The following USP43 variants were observed in gnomAD, a reference collection of about 807,000 sequenced individuals.
The protein encoded by USP43 is ubiquitin carboxyl-terminal hydrolase 43.
In USP43, 33 loss-of-function variants were observed where a neutral mutation model predicts 90.7. The ratio of observed to expected loss-of-function variants is 0.36; its 90% CI spans 0.28 to 0.49. The LOEUF (loss-of-function observed/expected upper bound fraction) is 0.49. USP43 is among the 20% of genes least tolerant of loss of function. USP43 has a pLI of 0.98. For synonymous variants in USP43, 598 were observed against 615.8 expected, an observed-to-expected ratio of 0.97 and a Z score of 0.43; for missense variants, 1,274 against 1,476.4, an observed-to-expected ratio of 0.86 and a Z score of 2.25.
chr17:9,716,402 A>G (rs1034308538), intron 14 of USP43, among the ~76,000 whole-genome samples: 2 of 152,138 alleles, frequency 1.3e-5, no homozygotes, highest in Non-Finnish European at 2.9e-5. Context: ...ATACCAGATT[A>G]AAAAATAGAA....
chr17:9,674,752 C>A lies in USP43; in HGVS notation c.741-139C>A. The A allele has an allele frequency of 8.2e-6, 6 of 731,892 alleles. No homozygotes were observed. The South Asian group carries it at 9.8e-5, about 12-fold the overall frequency. The allele number at this position is 731,892 out of a possible 1,614,324, so 45.3% of individuals were successfully genotyped here. A position where few individuals can be genotyped will look rare whatever the true frequency, so the allele number is the denominator to read the frequency against. On this transcript the variant is annotated intron_variant, in intron 3 of 14. Transcript: ENST00000285199. This position sits in a 1 kb window ranked among gnomAD's most constrained non-coding sequence, Gnocchi z 4.4. ...ACACTTGTGTACAAGTATTTGAACA[C>A]CTGTTCTCAATTCTTCTGGGTATGT...
chr17:9,693,622 G>C (rs1915089117), intron 9 of USP43, among the ~76,000 whole-genome samples: 1 of 152,030 alleles, frequency 6.6e-6, no homozygotes, highest in Non-Finnish European at 1.5e-5. Flanking sequence ...GATTGCCTGG[G>C]GTCAGGATTT....
chr17:9,682,680 C>A, intron 6 of USP43, 143 bp from the exon 7 acceptor site: 1 of 1,006,396 alleles, frequency 9.9e-7, no homozygotes, highest in Non-Finnish European at 1.4e-6. Flanking sequence ...ACCTCATTAT[C>A]TCCTCCCCTA....
chr17:9,722,500 G>A (rs955106769), intron 14 of USP43, among the ~76,000 whole-genome samples: 3 of 152,150 alleles, frequency 2.0e-5, no homozygotes, highest in Non-Finnish European at 4.4e-5. Context: ...TTATATGACT[G>A]TTTCTTCTTT....
intron 2 of USP43, among the ~76,000 whole-genome samples, chr17:9,657,515 G>GA (rs935108327): frequency 9.3e-5 from 14 of 150,946 alleles, no homozygotes; most frequent in African/African-American, 3.2e-4. Flanking sequence ...AAAAAGAAAA[G>GA]AAAAAAAAGG....
intron 14 of USP43, among the ~76,000 whole-genome samples, chr17:9,723,821 C>T (rs777162188): frequency 4.0e-5 from 6 of 151,810 alleles, no homozygotes; most frequent in Non-Finnish European, 7.4e-5. Flanking sequence ...GTTGGTCAGG[C>T]GGGTCTTGAA....
Position 9,645,601 on chromosome 17 carries a change from G to C in USP43, c.-32G>C. 8.4e-7 allele frequency: 1 copy of C among 1,184,624 alleles called. No individual in the cohort carries two copies. The highest frequency in any genetic ancestry group is 1.0e-6 in the Non-Finnish European group (1 of 958,048). The allele number at this position is 1,184,624 out of a possible 1,614,324, so 73.4% of individuals were successfully genotyped here. ...CCGCTCGTCCGCCTCGCGCCCGGGG[G>C]CTCCGCGCCTGGAGCTGCGCCGGCG... On this transcript the variant is annotated 5_prime_UTR_variant, in exon 1 of 15. Transcript: ENST00000285199. This position sits in a 1 kb window ranked among gnomAD's most constrained non-coding sequence, Gnocchi z 6.8.
At chr17:9,710,144 G>A (rs201979221) in intron 13 of USP43, 30 bp downstream of exon 13, 1 of 1,407,504 alleles carries the variant, frequency 7.1e-7, no homozygotes, top group South Asian at 1.8e-5. Context: ...ACAGGAGGGG[G>A]GTGTGGGGAA....
At chr17:9,711,377 T>C (rs1487576866) in intron 13 of USP43, among the ~76,000 whole-genome samples, 1 of 152,254 alleles carries the variant, frequency 6.6e-6, no homozygotes, top group Non-Finnish European at 1.5e-5. Flanking sequence ...AGTAATTTCA[T>C]GGAAAGCATT....
chr17:9,693,367 A>G (rs1915074392), intron 9 of USP43, 137 bp downstream of exon 9: 3 of 710,166 alleles, frequency 4.2e-6, no homozygotes, highest in South Asian at 1.8e-5. Context: ...ACCAGCCGCT[A>G]TGTTAGGTCA....
At position 9,696,582 on chromosome 17, in the gene USP43, G is replaced by A. The variant is rs557933733; in HGVS notation, c.1457+3352G>A. ...CATAGACACTGGTAACTAAACACTT[G>A]CCAGTCTGAACTCTTCTTGCTTAAA... On this transcript the variant is annotated intron_variant, in intron 9 of 14. Transcript: ENST00000285199. Among the ~76,000 whole-genome samples the A allele has an allele frequency of 6.6e-5, 10 of 152,318 alleles. No individual in the cohort carries two copies. In the East Asian group the frequency reaches 1.9e-3, roughly 29 times the overall value.
chr17:9,706,517 T>G (rs771633631), intron 12 of USP43, among the ~76,000 whole-genome samples: 5 of 152,040 alleles, frequency 3.3e-5, no homozygotes, highest in Non-Finnish European at 7.4e-5. Flanking sequence ...TTAATTTTCT[T>G]GAGAGAAAGA....
Position 9,728,615 on chromosome 17 carries a change from G to A in USP43, c.2997G>A (p.Leu999=). The change falls in exon 15 of 15, where the codon CTG becomes CTA. Residue 999 remains leucine (L), a synonymous_variant. Transcript: ENST00000285199. The surrounding 1 kb of genome is among the most constrained non-coding windows in gnomAD (Gnocchi z 6.2). ...CCCTGCAGGGGACACTCACCCTTCT[G>A]AGGTCCGTGTTTCGGAAGAAGGAGA... ...DRPLQGTLTL[L]RSVFRKKENR... The A allele has an allele frequency of 6.2e-7, 1 of 1,613,836 alleles. No homozygotes were observed. The highest frequency in any genetic ancestry group is 8.5e-7 in the Non-Finnish European group (1 of 1,179,832).
At chr17:9,685,437 T>C (rs1270977907) in intron 7 of USP43, among the ~76,000 whole-genome samples, 1 of 152,210 alleles carries the variant, frequency 6.6e-6, no homozygotes, top group Non-Finnish European at 1.5e-5. Flanking sequence ...CAAAGTTGTG[T>C]CATCTGGATT....
intron 12 of USP43, among the ~76,000 whole-genome samples, chr17:9,707,437 G>C (rs902224055): frequency 1.3e-5 from 2 of 152,042 alleles, no homozygotes. Context: ...ACGAGGTCAG[G>C]AGATCAAGAC....
At position 9,729,088 on chromosome 17, in the gene USP43, G is replaced by A; in HGVS notation, c.*98G>A. ...AGAATGGGTTTCCAGGAAACCCGTT[G>A]TCTTGTAATCTCTAAAAAAAAATTT... On this transcript the variant is annotated 3_prime_UTR_variant, in exon 15 of 15. Coordinates refer to ENST00000285199, the MANE Select transcript of USP43 (RefSeq NM_153210.5). 1 of 1,267,634 alleles carries A rather than the reference G, an allele frequency of 7.9e-7. No homozygotes were observed. Among genetic ancestry groups the A allele is most frequent in the African/African-American group, 1.5e-5 (1 of 65,102 alleles). 78.5% of individuals were successfully genotyped at this position (1,267,634 alleles called of 1,614,324 possible).
In USP43 at chr17:9,729,283, T is replaced by C. The variant is rs543717239; in HGVS notation, c.*293T>C. On this transcript the variant is annotated 3_prime_UTR_variant, in exon 15 of 15. Transcript: ENST00000285199. ...TTTCAGGGCAAGAACTGATATTTAC[T>C]AAAGAGTTTTGGATGTGGGCAAACA... 8 of 225,514 alleles carry C rather than the reference T, an allele frequency of 3.5e-5. No individual in the cohort carries two copies. The highest frequency in any genetic ancestry group is 2.8e-3 in the Middle Eastern group (2 of 716). The allele number at this position is 225,514 out of a possible 1,614,324, so 14.0% of individuals were successfully genotyped here.
rs145959050 is a variant in USP43 at position 9,714,179 on chromosome 17, C to T, written c.2335+2047C>T. Among the ~76,000 whole-genome samples the T allele has an allele frequency of 2.9e-3, 442 of 152,308 alleles. 4 individuals are homozygous for T. Among genetic ancestry groups the T allele is most frequent in the Middle Eastern group, 0.01 (3 of 294 alleles). On this transcript the variant is annotated intron_variant, in intron 14 of 14. Transcript: ENST00000285199. ...GCAGCTGTAAATACAGATGAAGCTT[C>T]GCTCATTTGCTCACCACTCACTTCC...
rs774751255 is a variant in USP43, at chr17:9,686,770, G to A, written c.1242-28G>A. 2.6e-5 allele frequency: 42 copies of A among 1,606,528 alleles called. No homozygotes were observed. Among genetic ancestry groups the A allele is most frequent in the Non-Finnish European group, 3.1e-5 (37 of 1,174,736 alleles). On this transcript the variant is annotated intron_variant, in intron 7 of 14. Transcript: ENST00000285199. The surrounding 1 kb of genome is among the most constrained non-coding windows in gnomAD (Gnocchi z 5.5). ...GATGTTGCTGGTTTTTCCTTTGCTG[G>A]GATAACCCGATTTCCTTGGATTTTC... is the stretch of plus-strand genomic sequence containing the variant.
Sources: allele counts gnomAD v4.1 joint callset (sites outside exome capture counted in the v4.1 genomes callset), GRCh38; gene constraint gnomAD v4.1.1; non-coding constraint Gnocchi (gnomAD v3.1); transcripts MANE v1.5; gene names NCBI Gene and HGNC (gene_info 2026-07-23, HGNC 2026-07-21).